EXOC6: variants seen among roughly 807,000 people sequenced by gnomAD.
EXOC6 encodes SEC15-like 1.
Under a neutral mutation model 112.5 loss-of-function variants are expected in EXOC6, and 60 were observed. That is an observed-to-expected ratio of 0.53 (90% CI 0.43 to 0.66). EXOC6 has a LOEUF of 0.66. Among genes scored for constraint, EXOC6 ranks in the 30% least tolerant of loss-of-function variants. The pLI is 0.00. For missense variants in EXOC6, 855 were observed against 957.1 expected (o/e 0.89, Z 1.41); for synonymous variants, 295 against 308.0 (o/e 0.96, Z 0.44).
At chr10:92,940,543 A>G (rs984144313) in intron 12 of EXOC6, among the ~76,000 whole-genome samples, 184 bp from the exon 13 acceptor site, 1 of 152,138 alleles carries the variant, frequency 6.6e-6, no homozygotes, top group Non-Finnish European at 1.5e-5. Context: ...ACTCTTTCTG[A>G]ACCTCTTTTT....
chr10:93,006,284 G>A (rs773809263), intron 19 of EXOC6, among the ~76,000 whole-genome samples: 2 of 152,054 alleles, frequency 1.3e-5, no homozygotes, highest in African/African-American at 2.4e-5. Flanking sequence ...CATAATAAAA[G>A]TATTAAGGCA....
At chr10:92,970,658 G>T (rs938641047) in intron 17 of EXOC6, among the ~76,000 whole-genome samples, 1 of 152,168 alleles carries the variant, frequency 6.6e-6, no homozygotes, top group African/African-American at 2.4e-5. Flanking sequence ...TTCTGTAGTT[G>T]AGGGGAAGCT....
At chr10:92,957,597 T>G (rs1200022132) in intron 17 of EXOC6, among the ~76,000 whole-genome samples, 1 of 152,160 alleles carries the variant, frequency 6.6e-6, no homozygotes, top group Non-Finnish European at 1.5e-5. Context: ...TTTTTGTTGT[T>G]TATTTGTTTG....
intron 18 of EXOC6, among the ~76,000 whole-genome samples, chr10:92,990,210 G>A (rs1210185952): frequency 6.6e-6 from 1 of 151,900 alleles, no homozygotes; most frequent in Non-Finnish European, 1.5e-5. Context: ...TTGCTTCTTA[G>A]TTGAAAATGA....
chr10:93,000,192 A>T (rs1843696995), intron 19 of EXOC6, among the ~76,000 whole-genome samples: 1 of 152,186 alleles, frequency 6.6e-6, no homozygotes, highest in Admixed American at 6.5e-5. Flanking sequence ...TAACTAAACG[A>T]TTAAACTACC....
chr10:93,011,767 A>G (rs1025036908), intron 19 of EXOC6, among the ~76,000 whole-genome samples: 1 of 152,144 alleles, frequency 6.6e-6, no homozygotes, highest in Non-Finnish European at 1.5e-5. Flanking sequence ...ACGTAATGAT[A>G]CTAGAGAAAG....
intron 19 of EXOC6, among the ~76,000 whole-genome samples, chr10:93,012,151 T>C (rs1348289534): frequency 6.6e-6 from 1 of 152,182 alleles, no homozygotes; most frequent in African/African-American, 2.4e-5. Context: ...ACCTTACTAG[T>C]AGGAGAGGCC....
chr10:92,988,528 A>G (rs1436179722), intron 18 of EXOC6, among the ~76,000 whole-genome samples: 7 of 152,162 alleles, frequency 4.6e-5, no homozygotes, highest in Admixed American at 6.6e-5. Flanking sequence ...CCTATATACC[A>G]GTGCTAGATT....
At chr10:92,993,612 AAAAC>A (rs1843358985) in intron 18 of EXOC6, among the ~76,000 whole-genome samples, 1 of 152,202 alleles carries the variant, frequency 6.6e-6, no homozygotes, top group African/African-American at 2.4e-5. Context: ...CATTACTTTC[AAAAC>A]AAACCAGTTT....
At chr10:92,969,486 CAAA>C (rs1299349087) in intron 17 of EXOC6, among the ~76,000 whole-genome samples, 1 of 152,090 alleles carries the variant, frequency 6.6e-6, no homozygotes, top group Non-Finnish European at 1.5e-5. Context: ...GCCACTAACT[CAAA>C]AATAGTAACT....
At chr10:92,901,112 C>T (rs1850140317) in intron 5 of EXOC6, 1 of 152,176 alleles carries the variant, frequency 6.6e-6, no homozygotes, top group African/African-American at 2.4e-5. Context: ...CCTCACATTG[C>T]ATGACATCAG....
At chr10:92,981,375 C>G (rs758157650) in intron 18 of EXOC6, among the ~76,000 whole-genome samples, 1 of 152,136 alleles carries the variant, frequency 6.6e-6, no homozygotes, top group South Asian at 2.1e-4. Flanking sequence ...ACATTTTCTT[C>G]CTTTATAAAT....
chr10:92,854,329 T>C (rs1222508582), intron 1 of EXOC6, among the ~76,000 whole-genome samples: 1 of 151,330 alleles, frequency 6.6e-6, no homozygotes, highest in Non-Finnish European at 1.5e-5. Flanking sequence ...CCCAGCTACT[T>C]GGGAGGCTGA....
At chr10:92,902,363 G>C (rs1393178049) in intron 5 of EXOC6, among the ~76,000 whole-genome samples, 1 of 151,650 alleles carries the variant, frequency 6.6e-6, no homozygotes, top group Non-Finnish European at 1.5e-5. Flanking sequence ...TTCTAGATTG[G>C]TTCTCTAATT....
chr10:92,942,197 C>T (rs1025955389), intron 13 of EXOC6, among the ~76,000 whole-genome samples: 3 of 152,058 alleles, frequency 2.0e-5, no homozygotes, highest in Non-Finnish European at 4.4e-5. Context: ...TTGAGACCAG[C>T]CTGGACAACA....
At chr10:92,858,701 G>A (rs1481803415) in intron 1 of EXOC6, among the ~76,000 whole-genome samples, 2 of 152,076 alleles carry the variant, frequency 1.3e-5, no homozygotes, top group Non-Finnish European at 2.9e-5. Context: ...AGTTATTATG[G>A]CTGCTTTGAA....
chr10:92,988,224 C>T (rs988355642), intron 18 of EXOC6, among the ~76,000 whole-genome samples: 17 of 152,158 alleles, frequency 1.1e-4, no homozygotes, highest in Non-Finnish European at 2.4e-4. Flanking sequence ...ATTGCCTTAG[C>T]TCTTACCTTT....
intron 1 of EXOC6, among the ~76,000 whole-genome samples, chr10:92,854,049 A>G (rs888917618): frequency 1.3e-5 from 2 of 151,690 alleles, no homozygotes; most frequent in African/African-American, 4.8e-5. Flanking sequence ...GGTGAGCCAC[A>G]GATTGGGAGA....
intron 9 of EXOC6, among the ~76,000 whole-genome samples, chr10:92,929,219 G>A (rs184589506): frequency 2.0e-3 from 312 of 152,262 alleles, no homozygotes; most frequent in African/African-American, 6.7e-3. Context: ...TCCCTCTGGC[G>A]AATACTGTAA....
Sources: allele counts gnomAD v4.1 joint callset (sites outside exome capture counted in the v4.1 genomes callset), GRCh38; gene constraint gnomAD v4.1.1; transcripts MANE v1.5; gene names NCBI Gene and HGNC (gene_info 2026-07-23, HGNC 2026-07-21).